Variants in SGK3 observed in about 807,000 individuals in gnomAD.
SGK3 encodes serum/glucocorticoid regulated kinase family member 3, also known as serine/threonine-protein kinase Sgk3.
Under a neutral mutation model 68.5 loss-of-function variants are expected in SGK3, and 47 were observed. The observed-to-expected ratio is 0.69, with a 90% CI of 0.54 to 0.87. SGK3 has a LOEUF of 0.87. Among genes scored for constraint, SGK3 ranks in the 40% least tolerant of loss-of-function variants. The pLI is 0.00. For missense variants in SGK3, 479 were observed against 575.5 expected (o/e 0.83, Z 1.72); for synonymous variants, 181 against 189.1 (o/e 0.96, Z 0.35).
chr8:66,829,148 C>G (rs141796260), intron 7 of SGK3, among the ~76,000 whole-genome samples: 1 of 152,228 alleles, frequency 6.6e-6, no homozygotes, highest in African/African-American at 2.4e-5. Flanking sequence ...CCAGAGGAGT[C>G]ATAATGGACA....
intron 5 of SGK3, among the ~76,000 whole-genome samples, chr8:66,815,071 T>C (rs1218262295): frequency 2.0e-5 from 3 of 152,212 alleles, no homozygotes; most frequent in Non-Finnish European, 4.4e-5. Context: ...AACCACAACA[T>C]TGAAGAACTG....
chr8:66,862,017 G>C lies in SGK3; in HGVS notation c.*2436G>C, dbSNP rs1810758239. Reference sequence around the variant, plus strand: ...TATAGTATAATAAAATCAGCAAAAAGATCAACTAATGTCTGTCATTATTTG... The same window carrying C: ...TATAGTATAATAAAATCAGCAAAAACATCAACTAATGTCTGTCATTATTTG... On this transcript the variant is annotated 3_prime_UTR_variant, in exon 17 of 17. Transcript: ENST00000521198. The C allele has an allele frequency of 6.6e-6, 1 of 152,016 alleles. No homozygotes were observed. The highest frequency in any genetic ancestry group is 1.5e-5 in the Non-Finnish European group (1 of 67,976). The allele number at this position is 152,016 out of a possible 1,614,324, so 9.4% of individuals were successfully genotyped here. A position where few individuals can be genotyped will look rare whatever the true frequency, so the allele number is the denominator to read the frequency against.
chr8:66,784,683 G>T (rs1200551693), intron 1 of SGK3, among the ~76,000 whole-genome samples: 1 of 152,084 alleles, frequency 6.6e-6, no homozygotes, highest in African/African-American at 2.4e-5. Context: ...TGGATACAAT[G>T]ATGAAGGAAA....
At chr8:66,730,600 C>G (rs1034745598) in intron 1 of SGK3, among the ~76,000 whole-genome samples, 1 of 152,094 alleles carries the variant, frequency 6.6e-6, no homozygotes, top group Non-Finnish European at 1.5e-5. Context: ...GATCTGTGAT[C>G]TGTTTTGAGT....
At chr8:66,839,484 A>G (rs1379037936) in intron 10 of SGK3, among the ~76,000 whole-genome samples, 1 of 107,916 alleles carries the variant, frequency 9.3e-6, no homozygotes, top group Non-Finnish European at 1.8e-5. Context: ...GCTCAAGTAA[A>G]TTATATGTAT....
intron 1 of SGK3, among the ~76,000 whole-genome samples, chr8:66,760,202 C>T (rs1475027289): frequency 6.6e-6 from 1 of 151,138 alleles, no homozygotes; most frequent in Non-Finnish European, 1.5e-5. Context: ...CAGACGAGGT[C>T]ATGGTGGCAG....
chr8:66,808,263 A>T (rs1024825990), intron 4 of SGK3, among the ~76,000 whole-genome samples: 3 of 152,212 alleles, frequency 2.0e-5, no homozygotes, highest in Non-Finnish European at 4.4e-5. Flanking sequence ...AACAACTGAA[A>T]ATAAACTGAA....
At chr8:66,714,715 A>G (rs139256550) in intron 1 of SGK3, among the ~76,000 whole-genome samples, 1 of 152,300 alleles carries the variant, frequency 6.6e-6, no homozygotes, top group East Asian at 1.9e-4. Context: ...ATGGCTTACA[A>G]AGTGCTTCCA....
At chr8:66,769,669 T>G (rs917256780) in intron 1 of SGK3, among the ~76,000 whole-genome samples, 1 of 152,208 alleles carries the variant, frequency 6.6e-6, no homozygotes, top group African/African-American at 2.4e-5. Context: ...TCTCTAAAAG[T>G]TGGATTTAGA....
At chr8:66,738,276 C>T (rs1805381592) in intron 1 of SGK3, among the ~76,000 whole-genome samples, 1 of 152,178 alleles carries the variant, frequency 6.6e-6, no homozygotes, top group African/African-American at 2.4e-5. Context: ...TTTTGAAACC[C>T]TCATGATGTT....
chr8:66,852,117 A>G (rs1255626211), intron 16 of SGK3, among the ~76,000 whole-genome samples: 1 of 152,132 alleles, frequency 6.6e-6, no homozygotes, highest in Admixed American at 6.5e-5. Flanking sequence ...ACATGAAAAC[A>G]TGGTAATTAC....
chr8:66,853,293 G>A (rs2130753928), intron 16 of SGK3, among the ~76,000 whole-genome samples: 1 of 152,280 alleles, frequency 6.6e-6, no homozygotes, highest in East Asian at 1.9e-4. Flanking sequence ...TCTATGTTTA[G>A]TGCATATTAG....
Position 66,771,199 on chromosome 8 carries a change from A to ATAGCCTCTGGTACAACCCACTCTAT in SGK3, c.-121-22416_-121-22392dup, listed in dbSNP as rs544977090. ...GAAAAGTTTCAACAGTCTATTACCA[A>ATAGCCTCTGGTACAACCCACTCTAT]TAGCCTCTGGTACAACCCACTCTAT... On this transcript the variant is annotated intron_variant, in intron 1 of 16. Coordinates refer to ENST00000521198, the MANE Select transcript of SGK3 (RefSeq NM_001033578.3). 5.5e-3 allele frequency among the ~76,000 whole-genome samples: 842 copies of ATAGCCTCTGGTACAACCCACTCTAT among 152,186 alleles called. 8 individuals are homozygous for ATAGCCTCTGGTACAACCCACTCTAT. Among genetic ancestry groups the ATAGCCTCTGGTACAACCCACTCTAT allele is most frequent in the Middle Eastern group, 0.02 (6 of 294 alleles).
chr8:66,786,466 A>G (rs973220234), intron 1 of SGK3, among the ~76,000 whole-genome samples: 1 of 152,220 alleles, frequency 6.6e-6, no homozygotes, highest in Non-Finnish European at 1.5e-5. Flanking sequence ...CTTAGCCACT[A>G]AGTATTATTA....
chr8:66,726,377 G>A (rs1010678903), intron 1 of SGK3, among the ~76,000 whole-genome samples: 1 of 152,020 alleles, frequency 6.6e-6, no homozygotes, highest in African/African-American at 2.4e-5. Flanking sequence ...GAGGTTCCCC[G>A]GTGTTAACTG....
chr8:66,774,836 C>T (rs554369395), intron 1 of SGK3, among the ~76,000 whole-genome samples: 1 of 152,128 alleles, frequency 6.6e-6, no homozygotes, highest in East Asian at 1.9e-4. Context: ...GTGTGTGACT[C>T]CTACCCCGCC....
chr8:66,814,946 G>A (rs1274034450), intron 5 of SGK3, among the ~76,000 whole-genome samples: 1 of 152,174 alleles, frequency 6.6e-6, no homozygotes, highest in Non-Finnish European at 1.5e-5. Flanking sequence ...ATTCTAAGAG[G>A]AAATGAAGAG....
chr8:66,748,021 TC>T (rs1805700504), intron 1 of SGK3, among the ~76,000 whole-genome samples: 1 of 152,114 alleles, frequency 6.6e-6, no homozygotes, highest in Non-Finnish European at 1.5e-5. Context: ...TCCACATCTG[TC>T]CAATGGAGAG....
intron 4 of SGK3, among the ~76,000 whole-genome samples, chr8:66,807,778 C>T (rs1488333422): frequency 6.6e-6 from 1 of 152,112 alleles, no homozygotes; most frequent in African/African-American, 2.4e-5. Flanking sequence ...AATCACATTT[C>T]TAGGAATCTG....
Sources: gnomAD v4.1 joint callset for allele counts (sites outside exome capture counted in the v4.1 genomes callset) on GRCh38, gnomAD v4.1.1 for gene constraint, MANE v1.5 for transcripts, NCBI Gene and HGNC (gene_info 2026-07-23, HGNC 2026-07-21) for gene names.